Variants in SPIRE1 observed in about 807,000 individuals in gnomAD.
The protein encoded by SPIRE1 is protein spire homolog 1.
Under a neutral mutation model 94.1 loss-of-function variants are expected in SPIRE1, and 40 were observed. That is an observed-to-expected ratio of 0.43 (90% confidence interval 0.33 to 0.55). SPIRE1 has a LOEUF of 0.55. Among genes scored for constraint, SPIRE1 ranks in the 20% least tolerant of loss-of-function variants. The pLI is 0.06. For missense variants in SPIRE1, 838 were observed against 975.2 expected (o/e 0.86, Z 1.87); for synonymous variants, 376 against 371.7 (o/e 1.01, Z -0.13).
intron 3 of SPIRE1, among the ~76,000 whole-genome samples, chr18:12,543,678 C>T (rs952573998): frequency 5.9e-5 from 9 of 152,130 alleles, no homozygotes; most frequent in South Asian, 2.1e-4. Flanking sequence ...AAAGACTATC[C>T]GGGACAAAAG....
chr18:12,515,623 C>T (rs572765392), intron 4 of SPIRE1, among the ~76,000 whole-genome samples: 4 of 152,300 alleles, frequency 2.6e-5, no homozygotes, highest in South Asian at 4.1e-4. Flanking sequence ...TCAGGAACAA[C>T]GTCCTCTTCC....
At chr18:12,571,860 A>G (rs2144472802) in intron 2 of SPIRE1, among the ~76,000 whole-genome samples, 1 of 152,354 alleles carries the variant, frequency 6.6e-6, no homozygotes, top group South Asian at 2.1e-4. Context: ...GCCTTCACAG[A>G]GCTTTTGACT....
intron 5 of SPIRE1, 128 bp from the exon 6 acceptor site, chr18:12,506,769 T>A (rs1294162055): frequency 3.1e-6 from 3 of 953,400 alleles, no homozygotes; most frequent in African/African-American, 3.3e-5. Context: ...AAAACTATTT[T>A]AAAAATTAGA....
intron 12 of SPIRE1, among the ~76,000 whole-genome samples, chr18:12,456,513 T>C (rs1388363626): frequency 6.6e-6 from 1 of 152,168 alleles, no homozygotes; most frequent in Non-Finnish European, 1.5e-5. Flanking sequence ...AACAAAATAA[T>C]GTGGGAATCT....
At chr18:12,517,444 A>G (rs1341188878) in intron 4 of SPIRE1, among the ~76,000 whole-genome samples, 1 of 152,252 alleles carries the variant, frequency 6.6e-6, no homozygotes, top group Non-Finnish European at 1.5e-5. Context: ...TCTAGTTAGC[A>G]GTAAAAACAA....
intron 12 of SPIRE1, 94 bp downstream of exon 12, chr18:12,463,257 A>G: frequency 7.7e-7 from 1 of 1,297,426 alleles, no homozygotes; most frequent in Non-Finnish European, 1.0e-6. Context: ...AACTTTTGCA[A>G]GTTTTTTTCT....
In SPIRE1 at chr18:12,657,959, C is replaced by T; in HGVS notation, c.-93G>A. ...TCGTCGCGCGCCGCCGCCTCACCAT[C>T]CCCGGAACCGCCGCCGCCCAACGCG... On this transcript the variant is annotated 5_prime_UTR_variant, in exon 1 of 17. Coordinates refer to ENST00000409402, the MANE Select transcript of SPIRE1 (RefSeq NM_001128626.2). 1.0e-6 allele frequency: 1 copy of T among 1,001,512 alleles called. No individual in the cohort carries two copies. The highest frequency in any genetic ancestry group is 1.2e-6 in the Non-Finnish European group (1 of 842,202). The allele number at this position is 1,001,512 out of a possible 1,614,324, so 62.0% of individuals were successfully genotyped here. A position where few individuals can be genotyped will look rare whatever the true frequency, so the allele number is the denominator to read the frequency against.
intron 4 of SPIRE1, among the ~76,000 whole-genome samples, chr18:12,523,470 T>C (rs2034419872): frequency 1.3e-5 from 2 of 152,164 alleles, no homozygotes; most frequent in African/African-American, 4.8e-5. Context: ...TTGAAAGAAG[T>C]TCTACTGTGG....
chr18:12,533,803 G>A (rs181454535), intron 4 of SPIRE1, among the ~76,000 whole-genome samples: 1 of 152,242 alleles, frequency 6.6e-6, no homozygotes, highest in East Asian at 1.9e-4. Flanking sequence ...GGTAACGACA[G>A]CCTTAAAAAG....
At chr18:12,608,084 G>C (rs1358842736) in intron 2 of SPIRE1, among the ~76,000 whole-genome samples, 1 of 151,756 alleles carries the variant, frequency 6.6e-6, no homozygotes, top group Non-Finnish European at 1.5e-5. Flanking sequence ...CGTGAACTCG[G>C]GTGGCGGAGC....
chr18:12,658,392 C>T (rs1262488842), upstream of SPIRE1: 1 of 400,044 alleles, frequency 2.5e-6, no homozygotes, highest in Non-Finnish European at 5.1e-6. Flanking sequence ...CCGGGTAGGG[C>T]GTGCAGGGTT....
In SPIRE1 at chr18:12,657,847, G is replaced by T. The variant is rs1373897970; in HGVS notation, c.20C>A (p.Pro7Gln). 1 of 1,112,888 alleles carries T rather than the reference G, an allele frequency of 9.0e-7. No homozygotes were observed. Among genetic ancestry groups the T allele is most frequent in the South Asian group, 4.1e-5 (1 of 24,448 alleles). 68.9% of individuals were successfully genotyped at this position (1,112,888 alleles called of 1,614,324 possible). The change falls in exon 1 of 17, where the codon CCG (proline) becomes CAG (glutamine). Residue 7 changes from proline to glutamine, a missense_variant. Physicochemically the swap from Pro to Gln is moderately conservative, Grantham distance 76. Around this residue, in one of 2 missense-constraint regions of SPIRE1, gnomAD observed 193 missense variants for 170.5 expected, o/e 1.13. Coordinates refer to ENST00000409402, the MANE Select transcript of SPIRE1 (RefSeq NM_001128626.2). Reference protein sequence around the residue: MAQAAGPAGGGEPRTEA... With the variant: MAQAAGQAGGGEPRTEA... ...AGTCCGCGGCTCCCCGCCGCCCGCC[G>T]GGCCAGCCGCCTGAGCCATCCCGCG...
At position 12,645,105 on chromosome 18, in the gene SPIRE1, G is replaced by GAA. The variant is rs5823231; in HGVS notation, c.338-10011_338-10010dup. Among the ~76,000 whole-genome samples the GAA allele has an allele frequency of 8.8e-4, 128 of 145,718 alleles. 2 individuals are homozygous for GAA. Among genetic ancestry groups the GAA allele is most frequent in the East Asian group, 8.5e-3 (42 of 4,918 alleles). ...CACACACACATACAAAAGAATAAAA[G>GAA]AAAAAAAAAAATAAGACAGTATCAG... On this transcript the variant is annotated intron_variant, in intron 1 of 16. Transcript: ENST00000409402.
intron 2 of SPIRE1, among the ~76,000 whole-genome samples, chr18:12,552,133 T>C (rs561137512): frequency 2.0e-5 from 3 of 152,376 alleles, no homozygotes; most frequent in Non-Finnish European, 4.4e-5. Context: ...ATCCCCGTAG[T>C]GGGAACTTGA....
chr18:12,470,898 ACTG>A (rs1045049236), intron 10 of SPIRE1, among the ~76,000 whole-genome samples: 1 of 151,862 alleles, frequency 6.6e-6, no homozygotes, highest in African/African-American at 2.4e-5. Flanking sequence ...AGCCTCTCGC[ACTG>A]CTGCTTTGCT....
intron 1 of SPIRE1, among the ~76,000 whole-genome samples, chr18:12,652,703 A>T (rs936007108): frequency 2.0e-5 from 3 of 151,852 alleles, no homozygotes; most frequent in African/African-American, 4.8e-5. Flanking sequence ...TTTTTCCTTC[A>T]TTGGTCTCCA....
intron 12 of SPIRE1, chr18:12,459,665 G>T: frequency 1.4e-6 from 1 of 739,186 alleles, no homozygotes; most frequent in African/African-American, 1.9e-5. Flanking sequence ...CTATCTAAGC[G>T]GTTAATTCTC....
chr18:12,657,522 G>A lies in SPIRE1; in HGVS notation c.337+8C>T. On this transcript the variant is annotated splice_region_variant and intron_variant, in intron 1 of 16. Coordinates refer to ENST00000409402, the MANE Select transcript of SPIRE1 (RefSeq NM_001128626.2). Reference sequence around the variant, plus strand: ...GAACTACGAGGGAAAGGGGCCCGGCGGCCTCACCCGCAACTGGGGGCGGCT... The same window carrying A: ...GAACTACGAGGGAAAGGGGCCCGGCAGCCTCACCCGCAACTGGGGGCGGCT... The A allele has an allele frequency of 1.6e-6, 2 of 1,230,644 alleles. No homozygotes were observed. Among genetic ancestry groups the A allele is most frequent in the Non-Finnish European group, 2.0e-6 (2 of 986,522 alleles). The allele number at this position is 1,230,644 out of a possible 1,614,324, so 76.2% of individuals were successfully genotyped here. A position where few individuals can be genotyped will look rare whatever the true frequency, so the allele number is the denominator to read the frequency against.
chr18:12,510,782 C>T (rs1350035497), intron 5 of SPIRE1, among the ~76,000 whole-genome samples: 5 of 152,020 alleles, frequency 3.3e-5, no homozygotes, highest in African/African-American at 7.3e-5. Context: ...TCAGGTGATC[C>T]GCCCACCTCA....
Sources: allele counts gnomAD v4.1 joint callset (sites outside exome capture counted in the v4.1 genomes callset), GRCh38; gene constraint gnomAD v4.1.1; regional missense constraint gnomAD v4.1.1; transcripts MANE v1.5; gene names NCBI Gene and HGNC (gene_info 2026-07-23, HGNC 2026-07-21).